PRKN: variants seen among roughly 807,000 people sequenced by gnomAD.
The protein encoded by PRKN is parkin RBR E3 ubiquitin protein ligase, also known as E3 ubiquitin-protein ligase parkin.
Under a neutral mutation model 59.5 loss-of-function variants are expected in PRKN, and 56 were observed. That is an observed-to-expected ratio of 0.94 (90% CI 0.76 to 1.18). The LOEUF (loss-of-function observed/expected upper bound fraction) is 1.18, where lower values mean the gene tolerates loss of function less well. Among genes scored for constraint, PRKN ranks in the 50% most tolerant of loss-of-function variants. The probability of loss-of-function intolerance (pLI) is 0.00; values close to 1 mark genes in which losing one functional copy is unlikely to be tolerated. For synonymous variants in PRKN, 250 were observed against 222.1 expected (o/e 1.13, Z -1.12); for missense variants, 657 against 596.4 (o/e 1.10, Z -1.06).
chr6:162,018,712 T>G (rs1783021624), intron 5 of PRKN, among the ~76,000 whole-genome samples: 1 of 152,202 alleles, frequency 6.6e-6, no homozygotes, highest in South Asian at 2.1e-4. Flanking sequence ...ATTTATATAC[T>G]TAGGATGCTT....
intron 1 of PRKN, among the ~76,000 whole-genome samples, chr6:162,538,951 G>A (rs1778820060): frequency 6.6e-6 from 1 of 152,210 alleles, no homozygotes; most frequent in Admixed American, 6.5e-5. Flanking sequence ...TCAAATTAGA[G>A]AGGCAGGATG....
chr6:162,303,158 T>C lies in PRKN; in HGVS notation c.172-40393A>G, dbSNP rs998966649. Among the ~76,000 whole-genome samples, 3 of 152,170 alleles carry C rather than the reference T, an allele frequency of 2.0e-5. 1 individual carries two copies. The highest frequency in any genetic ancestry group is 1.3e-4 in the Admixed American group (2 of 15,276). On this transcript the variant is annotated intron_variant, in intron 2 of 11. Transcript: ENST00000366898. ...AAAATCCACAATATTTTAATGGCAA[T>C]AGTTATTAAATAGTGAAAATCTAGC...
intron 5 of PRKN, among the ~76,000 whole-genome samples, chr6:162,000,946 A>T (rs1206549464): frequency 1.3e-5 from 2 of 151,688 alleles, no homozygotes; most frequent in African/African-American, 2.4e-5. Flanking sequence ...GTTAAAGATC[A>T]TTTGACTATG....
chr6:161,822,990 C>T (rs1241512323), intron 6 of PRKN, among the ~76,000 whole-genome samples: 3 of 151,988 alleles, frequency 2.0e-5, no homozygotes, highest in African/African-American at 7.3e-5. Context: ...AGGCTGGAGT[C>T]CAGTGACATG....
chr6:162,060,616 AACTG>A (rs1194974381), intron 4 of PRKN, among the ~76,000 whole-genome samples: 1 of 152,248 alleles, frequency 6.6e-6, no homozygotes, highest in African/African-American at 2.4e-5. Flanking sequence ...TGAAGTATGT[AACTG>A]ACTATTTCAT....
rs944230115 is a variant in PRKN, at chr6:161,377,307, C to A, written c.1167+9487G>T. On this transcript the variant is annotated intron_variant, in intron 10 of 11. Transcript: ENST00000366898. The surrounding 1 kb of genome is among the most constrained non-coding windows in gnomAD (Gnocchi z 4.2). Reference sequence around the variant, plus strand: ...CCCAGGCCCAAGCAGGCCCACGGGGCGTGAGCGAGCTGCACAAGCAGGTCC... The same window carrying A: ...CCCAGGCCCAAGCAGGCCCACGGGGAGTGAGCGAGCTGCACAAGCAGGTCC... 1.2e-4 allele frequency among the ~76,000 whole-genome samples: 19 copies of A among 152,234 alleles called. No homozygotes were observed. The highest frequency in any genetic ancestry group is 4.6e-4 in the African/African-American group (19 of 41,462).
chr6:162,256,937 C>A lies in PRKN; in HGVS notation c.412+5588G>T, dbSNP rs535876806. 3.5e-4 allele frequency among the ~76,000 whole-genome samples: 54 copies of A among 152,306 alleles called. 1 individual carries two copies. The East Asian group carries it at 5.6e-3, about 16-fold the overall frequency. On this transcript the variant is annotated intron_variant, in intron 3 of 11. Coordinates refer to ENST00000366898, the MANE Select transcript of PRKN (RefSeq NM_004562.3). ...CTGTCATTTCTCACCTACTCTCCCC[C>A]ACAGTTACTTTTTATTTCTTTATGT...
At position 161,500,876 on chromosome 6, in the gene PRKN, C is replaced by CTT. The variant is rs34247928; in HGVS notation, c.1083+47976_1083+47977dup. The stretch of plus-strand genomic sequence containing the variant: ...TATGTTTAGTTTAGTTTTTTTTTTT[C>CTT]TTTTTTTTTTTTTTTTTGAGACCAA... On this transcript the variant is annotated intron_variant, in intron 9 of 11. Coordinates refer to ENST00000366898, the MANE Select transcript of PRKN (RefSeq NM_004562.3). Among the ~76,000 whole-genome samples, 1,091 of 115,396 alleles carry CTT rather than the reference C, an allele frequency of 9.5e-3. 18 individuals carry two copies. The highest frequency in any genetic ancestry group is 0.018 in the African/African-American group (526 of 28,948). 75.7% of individuals were successfully genotyped at this position (115,396 alleles called of 152,430 possible). A position where few individuals can be genotyped will look rare whatever the true frequency, so the allele number is the denominator to read the frequency against.
intron 9 of PRKN, among the ~76,000 whole-genome samples, chr6:161,541,414 C>G (rs1487417511): frequency 6.6e-6 from 1 of 152,342 alleles, no homozygotes; most frequent in South Asian, 2.1e-4. Context: ...GTTTTCAGGA[C>G]TGTTCTGAGC....
At chr6:161,921,425 A>C (rs1268498103) in intron 6 of PRKN, among the ~76,000 whole-genome samples, 1 of 152,252 alleles carries the variant, frequency 6.6e-6, no homozygotes, top group African/African-American at 2.4e-5. Flanking sequence ...TATACAATAT[A>C]CATAAACCAG....
At chr6:161,665,902 T>C (rs1784709248) in intron 7 of PRKN, among the ~76,000 whole-genome samples, 1 of 152,096 alleles carries the variant, frequency 6.6e-6, no homozygotes, top group Admixed American at 6.6e-5. Context: ...TCTTGTCTTT[T>C]CCAACAGCCT....
rs965297573 is a variant in PRKN at position 161,395,358 on chromosome 6, G to A, written c.1084-8481C>T. 4.6e-5 allele frequency among the ~76,000 whole-genome samples: 7 copies of A among 152,080 alleles called. No individual in the cohort carries two copies. The highest frequency in any genetic ancestry group is 3.9e-4 in the Admixed American group (6 of 15,266). ...TATTCCAGTGGATAGATGTGCCTTC[G>A]TTCATTTCACCAGCCCCTCCGATCA... is the stretch of plus-strand genomic sequence containing the variant. On this transcript the variant is annotated intron_variant, in intron 9 of 11. Transcript: ENST00000366898. This position sits in a 1 kb window ranked among gnomAD's most constrained non-coding sequence, Gnocchi z 5.0.
chr6:161,969,272 T>G (rs1780706370), intron 6 of PRKN, among the ~76,000 whole-genome samples: 1 of 151,286 alleles, frequency 6.6e-6, no homozygotes, highest in Admixed American at 6.6e-5. Context: ...TTATTTGTTT[T>G]TTTTTTTTTT....
intron 3 of PRKN, among the ~76,000 whole-genome samples, chr6:162,205,908 G>C (rs1562579756): frequency 6.6e-6 from 1 of 152,134 alleles, no homozygotes; most frequent in Non-Finnish European, 1.5e-5. Context: ...AGAAAGCACA[G>C]AAGAAGAGAA....
At chr6:162,649,938 A>T (rs762260908) in intron 1 of PRKN, among the ~76,000 whole-genome samples, 1 of 152,180 alleles carries the variant, frequency 6.6e-6, no homozygotes, top group Non-Finnish European at 1.5e-5. Flanking sequence ...ATTTTTGAAG[A>T]AAAGACAGAA....
intron 6 of PRKN, among the ~76,000 whole-genome samples, chr6:161,945,290 A>G (rs115355301): frequency 0.015 from 2,224 of 152,286 alleles, 56 homozygotes; most frequent in African/African-American, 0.051. Context: ...CATCAAAGCC[A>G]GGTAATACGG....
Position 161,429,685 on chromosome 6 carries a change from C to T in PRKN, c.1084-42808G>A, listed in dbSNP as rs1788554675. On this transcript the variant is annotated intron_variant, in intron 9 of 11. Transcript: ENST00000366898. The surrounding 1 kb of genome is among the most constrained non-coding windows in gnomAD (Gnocchi z 4.2). ...TGAAGAAAGAGGAATCCAGAAGTTC[C>T]AGTCCGAGGGTGTGTGGGAGGAGGG... Among the ~76,000 whole-genome samples the T allele has an allele frequency of 6.6e-6, 1 of 152,112 alleles. No homozygotes were observed. The highest frequency in any genetic ancestry group is 6.6e-5 in the Admixed American group (1 of 15,264).
chr6:162,450,570 C>G (rs548730423), intron 1 of PRKN, among the ~76,000 whole-genome samples: 5 of 152,306 alleles, frequency 3.3e-5, no homozygotes, highest in South Asian at 2.1e-4. Flanking sequence ...ACCCTTGACA[C>G]AGTGTGATGC....
At chr6:162,556,342 GGTGTGTGTGTGTGTGTGTGTGTGTGT>G (rs202002846) in intron 1 of PRKN, among the ~76,000 whole-genome samples, 4 of 57,300 alleles carry the variant, frequency 7.0e-5, no homozygotes, top group African/African-American at 2.9e-4. Flanking sequence ...CTACTCAGCT[GGTGTGTGTGTGTGTGTGTGTGTGTGT>G]GTGTGTGTGT....
Sources: gnomAD v4.1 joint callset for allele counts (sites outside exome capture counted in the v4.1 genomes callset) on GRCh38, gnomAD v4.1.1 for gene constraint, Gnocchi (gnomAD v3.1) non-coding constraint, MANE v1.5 for transcripts, NCBI Gene and HGNC (gene_info 2026-07-23, HGNC 2026-07-21) for gene names.